ANKS1B: variants seen among roughly 807,000 people sequenced by gnomAD.
The protein encoded by ANKS1B is ankyrin repeat and sterile alpha motif domain-containing protein 1B.
In ANKS1B, 36 loss-of-function variants were observed where a neutral mutation model predicts 148.3. The ratio of observed to expected loss-of-function variants is 0.24; its 90% CI spans 0.19 to 0.32. ANKS1B has a LOEUF of 0.32. Among genes scored for constraint, ANKS1B ranks in the 10% least tolerant of loss-of-function variants. The probability of loss-of-function intolerance (pLI) is 1.00; values close to 1 mark genes in which losing one functional copy is unlikely to be tolerated. For missense variants in ANKS1B, 1,157 were observed against 1,542.6 expected, an observed-to-expected ratio of 0.75 and a Z score of 4.19; for synonymous variants, 542 against 560.8, an observed-to-expected ratio of 0.97 and a Z score of 0.47.
At chr12:99,294,988 C>T (rs1378460374) in intron 12 of ANKS1B, among the ~76,000 whole-genome samples, 3 of 152,160 alleles carry the variant, frequency 2.0e-5, no homozygotes, top group Admixed American at 6.5e-5. Context: ...ATAATAAATG[C>T]TTGAGGGGAT....
rs954893488 is a variant in ANKS1B, at chr12:99,252,530, C to T, written c.1757-5666G>A. ...AAGTATTAAGAAGTCCCCATGGCCC[C>T]GAAACACAGAGGGGTGTAGCCAAAT... On this transcript the variant is annotated intron_variant, in intron 12 of 26. Coordinates refer to ENST00000683438, the MANE Select transcript of ANKS1B (RefSeq NM_001352186.2). Among the ~76,000 whole-genome samples, 6 of 152,172 alleles carry T rather than the reference C, an allele frequency of 3.9e-5. 1 individual carries two copies. The East Asian group carries it at 5.8e-4, about 15-fold the overall frequency.
intron 9 of ANKS1B, among the ~76,000 whole-genome samples, chr12:99,631,957 A>G (rs2153399643): frequency 6.6e-6 from 1 of 152,292 alleles, no homozygotes; most frequent in East Asian, 1.9e-4. Flanking sequence ...GCCAGGTGCT[A>G]TTCCTCAAGA....
chr12:98,882,504 A>G (rs2099710655), intron 17 of ANKS1B, among the ~76,000 whole-genome samples: 1 of 152,160 alleles, frequency 6.6e-6, no homozygotes, highest in African/African-American at 2.4e-5. Context: ...TAGAAAAATG[A>G]TCATCTTAGT....
chr12:99,793,761 G>A (rs1160173124), intron 4 of ANKS1B, among the ~76,000 whole-genome samples: 1 of 151,950 alleles, frequency 6.6e-6, no homozygotes, highest in African/African-American at 2.4e-5. Context: ...ATTGGTCTCG[G>A]CAAAGATTTC....
rs575879779 is a variant in ANKS1B at position 98,814,170 on chromosome 12, G to A, written c.3067-6252C>T. On this transcript the variant is annotated intron_variant, in intron 19 of 26. Coordinates refer to ENST00000683438, the MANE Select transcript of ANKS1B (RefSeq NM_001352186.2). ...GCTTGGATTACAGGCATGAGCCACC[G>A]CGCCTGGCCATAATTAAGCTTTACA... Among the ~76,000 whole-genome samples, 9 of 152,272 alleles carry A rather than the reference G, an allele frequency of 5.9e-5. No individual in the cohort carries two copies. In the South Asian group the frequency reaches 6.2e-4, roughly 11 times the overall value.
At chr12:99,529,906 G>C (rs985978203) in intron 9 of ANKS1B, among the ~76,000 whole-genome samples, 2 of 152,098 alleles carry the variant, frequency 1.3e-5, no homozygotes, top group African/African-American at 2.4e-5. Context: ...GATTCTCTAA[G>C]TGATAATATT....
chr12:99,183,386 G>A lies in ANKS1B; in HGVS notation c.2420-28991C>T, dbSNP rs189554362. Among the ~76,000 whole-genome samples the A allele has an allele frequency of 4.0e-3, 606 of 152,286 alleles. 2 individuals are homozygous for A. Among genetic ancestry groups the A allele is most frequent in the African/African-American group, 0.012 (509 of 41,552 alleles). ...GTCTTAGGTGCAGTGGCTCATGCCC[G>A]TAATCCCAGCACTTTGGGAGGCCAA... On this transcript the variant is annotated intron_variant, in intron 14 of 26. Transcript: ENST00000683438.
At chr12:99,820,453 T>C (rs1271588040) in intron 2 of ANKS1B, among the ~76,000 whole-genome samples, 1 of 151,930 alleles carries the variant, frequency 6.6e-6, no homozygotes, top group African/African-American at 2.4e-5. Flanking sequence ...CTGCTGGCTT[T>C]ATGATTCTAT....
chr12:99,681,914 G>A (rs897674945), intron 8 of ANKS1B, among the ~76,000 whole-genome samples: 1 of 152,138 alleles, frequency 6.6e-6, no homozygotes, highest in Non-Finnish European at 1.5e-5. Flanking sequence ...AAGGAAAAGG[G>A]GTGGAAAGAG....
At chr12:99,270,373 A>C (rs1342956612) in intron 12 of ANKS1B, among the ~76,000 whole-genome samples, 4 of 152,044 alleles carry the variant, frequency 2.6e-5, no homozygotes, top group African/African-American at 9.7e-5. Context: ...CCCTCACCCC[A>C]CCTACTACTC....
chr12:99,967,136 T>A (rs2095493907), intron 1 of ANKS1B, among the ~76,000 whole-genome samples: 1 of 152,190 alleles, frequency 6.6e-6, no homozygotes. Flanking sequence ...TAATTATGAT[T>A]TATAATTATG....
intron 10 of ANKS1B, among the ~76,000 whole-genome samples, chr12:99,489,686 G>C (rs1455145566): frequency 6.6e-6 from 1 of 152,166 alleles, no homozygotes; most frequent in African/African-American, 2.4e-5. Context: ...CCTCATAGAT[G>C]CCTGTGACTA....
At chr12:99,075,349 T>A (rs58254394) in intron 16 of ANKS1B, among the ~76,000 whole-genome samples, 1 of 152,184 alleles carries the variant, frequency 6.6e-6, no homozygotes, top group African/African-American at 2.4e-5. Flanking sequence ...GGGTCCATGA[T>A]GGAAGAAGCC....
intron 11 of ANKS1B, among the ~76,000 whole-genome samples, chr12:99,422,096 A>C (rs1221326813): frequency 1.3e-5 from 2 of 152,306 alleles, no homozygotes; most frequent in East Asian, 3.9e-4. Context: ...TTTCTTTATA[A>C]ATTACCCAGC....
intron 8 of ANKS1B, among the ~76,000 whole-genome samples, chr12:99,713,287 A>G (rs193117544): frequency 1.8e-4 from 27 of 152,340 alleles, no homozygotes; most frequent in Admixed American, 1.1e-3. Flanking sequence ...AAGACTGCTC[A>G]GCCAAACCTT....
intron 14 of ANKS1B, among the ~76,000 whole-genome samples, chr12:99,192,805 C>T (rs762812872): frequency 2.0e-4 from 30 of 151,978 alleles, no homozygotes; most frequent in Non-Finnish European, 4.3e-4. Flanking sequence ...ATTCTAATAG[C>T]TCTATTCTTA....
intron 15 of ANKS1B, among the ~76,000 whole-genome samples, chr12:99,105,520 A>T (rs1566104319): frequency 2.6e-5 from 4 of 151,996 alleles, no homozygotes; most frequent in Admixed American, 2.6e-4. Context: ...TAAAAACAAA[A>T]TTTTTTGGGA....
intron 15 of ANKS1B, among the ~76,000 whole-genome samples, chr12:99,138,034 T>G (rs2068749870): frequency 6.6e-6 from 1 of 151,922 alleles, no homozygotes; most frequent in African/African-American, 2.4e-5. Flanking sequence ...GCAAATGTGT[T>G]TATTATTATT....
intron 17 of ANKS1B, chr12:98,894,999 C>CGGT: frequency 1.2e-6 from 1 of 809,052 alleles, no homozygotes; most frequent in Non-Finnish European, 1.5e-6. Context: ...GCAGCGGCGG[C>CGGT]GGCGGCGGCG....
Sources: gnomAD v4.1 joint callset for allele counts (sites outside exome capture counted in the v4.1 genomes callset) on GRCh38, gnomAD v4.1.1 for gene constraint, MANE v1.5 for transcripts, NCBI Gene and HGNC (gene_info 2026-07-23, HGNC 2026-07-21) for gene names.